The following CIMIP5 variants were observed in gnomAD, a reference collection of about 807,000 sequenced individuals.
The protein encoded by CIMIP5 is ciliary microtubule inner protein 5, also known as uncharacterized protein C2orf50.
chr2:11,152,112 C>T, the CIMIP5 span, among the ~76,000 whole-genome samples: 1 of 152,198 alleles, frequency 6.6e-6, no homozygotes, highest in African/African-American at 2.4e-5. Flanking sequence ...TGGGTGGTGT[C>T]AGCTGATCCA....
At chr2:11,136,658 A>G in the CIMIP5 span, among the ~76,000 whole-genome samples, 1 of 152,086 alleles carries the variant, frequency 6.6e-6, no homozygotes, top group African/African-American at 2.4e-5. Flanking sequence ...TTTGGGGGTG[A>G]TGAAATGTTC....
the CIMIP5 span, among the ~76,000 whole-genome samples, chr2:11,136,559 A>T: frequency 2.0e-5 from 3 of 151,918 alleles, no homozygotes; most frequent in Non-Finnish European, 2.9e-5. Flanking sequence ...CGCATTAAAA[A>T]CCCATCCAGA....
the CIMIP5 span, among the ~76,000 whole-genome samples, chr2:11,153,696 C>G: frequency 2.6e-3 from 391 of 152,264 alleles, no homozygotes; most frequent in Middle Eastern, 6.8e-3. Context: ...CCTGTAATCC[C>G]AGCACTTTGG....
chr2:11,141,850 T>A, the CIMIP5 span, among the ~76,000 whole-genome samples: 1 of 152,042 alleles, frequency 6.6e-6, no homozygotes, highest in East Asian at 1.9e-4. Context: ...AAGATGAATA[T>A]GAATTCATCA....
chr2:11,148,849 C>T, the CIMIP5 span, among the ~76,000 whole-genome samples: 1 of 149,848 alleles, frequency 6.7e-6, no homozygotes, highest in African/African-American at 2.5e-5. Flanking sequence ...ATTCTCCTGC[C>T]TCGGCCTCCA....
the CIMIP5 span, chr2:11,133,481 C>T: frequency 1.2e-6 from 2 of 1,608,774 alleles, no homozygotes; most frequent in Non-Finnish European, 1.7e-6. Context: ...GCCAGGCCCC[C>T]CAGGCTCTGA....
At chr2:11,146,248 G>T in the CIMIP5 span, among the ~76,000 whole-genome samples, 1 of 152,142 alleles carries the variant, frequency 6.6e-6, no homozygotes, top group South Asian at 2.1e-4. Context: ...TATAAATGAG[G>T]CAACTAAAGC....
At chr2:11,133,784 T>TG in the CIMIP5 span, among the ~76,000 whole-genome samples, 1 of 152,078 alleles carries the variant, frequency 6.6e-6, no homozygotes, top group East Asian at 1.9e-4. Flanking sequence ...GCGAGGAAGA[T>TG]GGAAGCCAAG....
chr2:11,135,404 G>A, the CIMIP5 span, among the ~76,000 whole-genome samples: 1 of 152,058 alleles, frequency 6.6e-6, no homozygotes, highest in African/African-American at 2.4e-5. Context: ...ATCCTAATAG[G>A]TGTGACGTGG....
At chr2:11,141,314 A>C in the CIMIP5 span, among the ~76,000 whole-genome samples, 1 of 151,906 alleles carries the variant, frequency 6.6e-6, no homozygotes, top group Non-Finnish European at 1.5e-5. Context: ...TTTTTAGTAG[A>C]GAGGGGGTTT....
the CIMIP5 span, among the ~76,000 whole-genome samples, chr2:11,148,368 C>T: frequency 3.9e-5 from 6 of 152,128 alleles, no homozygotes; most frequent in African/African-American, 7.2e-5. Flanking sequence ...CCACCTGCCT[C>T]GGCCTCCCAA....
chr2:11,145,872 G>A, the CIMIP5 span: 3 of 152,122 alleles, frequency 2.0e-5, no homozygotes, highest in African/African-American at 7.2e-5. Flanking sequence ...ACAAAAACTG[G>A]CCAAAACAAA....
At chr2:11,138,456 AG>A in the CIMIP5 span, among the ~76,000 whole-genome samples, 3 of 152,218 alleles carry the variant, frequency 2.0e-5, no homozygotes, top group South Asian at 6.2e-4. Flanking sequence ...AGGGAAGGGC[AG>A]GGGTAAGAAT....
At chr2:11,140,292 G>A in the CIMIP5 span, among the ~76,000 whole-genome samples, 9 of 150,398 alleles carry the variant, frequency 6.0e-5, no homozygotes, top group Non-Finnish European at 1.3e-4. Context: ...GGAGAATGGC[G>A]TGAACCCGGG....
chr2:11,154,379 G>A, the CIMIP5 span, among the ~76,000 whole-genome samples: 2 of 152,128 alleles, frequency 1.3e-5, no homozygotes, highest in Non-Finnish European at 2.9e-5. Flanking sequence ...GAGGTGATGG[G>A]CCGGTGAGGC....
At chr2:11,138,490 T>C in the CIMIP5 span, among the ~76,000 whole-genome samples, 3 of 152,198 alleles carry the variant, frequency 2.0e-5, no homozygotes, top group Non-Finnish European at 4.4e-5. Flanking sequence ...TCTCCCATAA[T>C]AGAAAGTCGA....
chr2:11,133,377 G>T, the CIMIP5 span: 5 of 1,612,276 alleles, frequency 3.1e-6, no homozygotes, highest in Admixed American at 3.3e-5. Flanking sequence ...AACCACATCA[G>T]CTGGGTACCG....
the CIMIP5 span, chr2:11,133,677 G>A: frequency 2.5e-5 from 37 of 1,509,418 alleles, no homozygotes; most frequent in South Asian, 4.5e-4. Context: ...AGATGGGAGG[G>A]CAAATGATCT....
At chr2:11,151,605 C>T in the CIMIP5 span, among the ~76,000 whole-genome samples, 8 of 152,192 alleles carry the variant, frequency 5.3e-5, no homozygotes, top group Non-Finnish European at 8.8e-5. Context: ...GCAGAGCATT[C>T]GGGGATGGAA....
Sources: allele counts gnomAD v4.1 joint callset (sites outside exome capture counted in the v4.1 genomes callset), GRCh38; gene constraint gnomAD v4.1.1; transcripts MANE v1.5; gene names NCBI Gene and HGNC (gene_info 2026-07-23, HGNC 2026-07-21).